TRNAU1AP: variants seen among roughly 807,000 people sequenced by gnomAD.
The protein encoded by TRNAU1AP is tRNA selenocysteine 1 associated protein 1, also known as tRNA selenocysteine 1-associated protein 1.
TRNAU1AP carries 33 observed loss-of-function variants against 43.3 expected under a neutral mutation model. The ratio of observed to expected loss-of-function variants is 0.76; its 90% CI spans 0.58 to 1.02. The LOEUF is 1.02. TRNAU1AP is among the 50% of genes least tolerant of loss of function. The pLI is 0.00. For missense variants in TRNAU1AP, 290 were observed against 362.7 expected (o/e 0.80, Z 1.63); for synonymous variants, 143 against 129.1 (o/e 1.11, Z -0.73).
rs192008595 is a variant in TRNAU1AP at position 28,573,932 on chromosome 1, C to T, written c.727+2032C>T. Among the ~76,000 whole-genome samples the T allele has an allele frequency of 5.3e-3, 799 of 150,864 alleles. 3 individuals are homozygous for T. Among genetic ancestry groups the T allele is most frequent in the Non-Finnish European group, 8.1e-3 (548 of 67,750 alleles). On this transcript the variant is annotated intron_variant, in intron 8 of 8. Coordinates refer to ENST00000373830, the MANE Select transcript of TRNAU1AP (RefSeq NM_017846.5). ...ATCCTGGGTGACGAGAGTGAAACTC[C>T]GTCTCAAAAAAAAAAACAACAGTAT...
intron 5 of TRNAU1AP, 89 bp downstream of exon 5, chr1:28,564,923 T>C: frequency 6.5e-7 from 1 of 1,541,916 alleles, no homozygotes; most frequent in Non-Finnish European, 8.9e-7. Context: ...CCCTGCAGCA[T>C]GGCGATTAAG....
At chr1:28,560,769 TATTGTC>T (rs1665388295) in intron 3 of TRNAU1AP, 37 bp downstream of exon 3, 1 of 1,502,458 alleles carries the variant, frequency 6.7e-7, no homozygotes, top group South Asian at 1.1e-5. Flanking sequence ...TTGCCATTAT[TATTGTC>T]ATTGCTTACT....
intron 6 of TRNAU1AP, among the ~76,000 whole-genome samples, chr1:28,570,799 TTGG>T (rs887328818): frequency 3.1e-4 from 47 of 152,144 alleles, no homozygotes; most frequent in African/African-American, 1.1e-3. Flanking sequence ...AAAGAGTTAA[TTGG>T]TGGCCGGGCT....
intron 2 of TRNAU1AP, among the ~76,000 whole-genome samples, chr1:28,556,706 C>T (rs61785998): frequency 0.25 from 38,149 of 151,416 alleles, 5,055 homozygotes; most frequent in Middle Eastern, 0.35. Flanking sequence ...TTTTTTGAGA[C>T]GGAGTCTCGC....
chr1:28,577,032 C>G (rs1490978439), intron 8 of TRNAU1AP, among the ~76,000 whole-genome samples: 1 of 152,222 alleles, frequency 6.6e-6, no homozygotes, highest in Non-Finnish European at 1.5e-5. Flanking sequence ...TGCCACTGTA[C>G]TCTAGCCTGT....
intron 1 of TRNAU1AP, chr1:28,553,372 G>A: frequency 1.6e-6 from 1 of 629,064 alleles, no homozygotes; most frequent in South Asian, 2.0e-5. Context: ...GGTGCTTTGG[G>A]GACATAGAAT....
intron 3 of TRNAU1AP, chr1:28,560,967 C>A: frequency 8.9e-7 from 1 of 1,122,096 alleles, no homozygotes. Flanking sequence ...TGGTTGCCTC[C>A]CAAATCCATG....
chr1:28,553,292 T>TA, intron 1 of TRNAU1AP, 155 bp downstream of exon 1: 1 of 924,054 alleles, frequency 1.1e-6, no homozygotes, highest in Non-Finnish European at 1.6e-6. Context: ...TTCCAGCATC[T>TA]AAGTGAAGAG....
At chr1:28,562,261 T>C (rs567603592) in intron 4 of TRNAU1AP, among the ~76,000 whole-genome samples, 1 of 152,216 alleles carries the variant, frequency 6.6e-6, no homozygotes, top group Non-Finnish European at 1.5e-5. Flanking sequence ...TAGCCTCAGA[T>C]GTATTCATTG....
At chr1:28,557,275 C>G (rs1396216944) in intron 2 of TRNAU1AP, among the ~76,000 whole-genome samples, 1 of 151,354 alleles carries the variant, frequency 6.6e-6, no homozygotes, top group African/African-American at 2.4e-5. Context: ...AGAAAATTAG[C>G]CAGGCATGGT....
At chr1:28,567,579 G>A (rs1665570280) in intron 6 of TRNAU1AP, among the ~76,000 whole-genome samples, 166 bp downstream of exon 6, 1 of 152,098 alleles carries the variant, frequency 6.6e-6, no homozygotes, top group Non-Finnish European at 1.5e-5. Context: ...GGGTGCTGGG[G>A]TTGAACTAGC....
At chr1:28,574,975 C>T (rs1055203280) in intron 8 of TRNAU1AP, among the ~76,000 whole-genome samples, 7 of 152,024 alleles carry the variant, frequency 4.6e-5, no homozygotes, top group African/African-American at 9.7e-5. Context: ...ACTAGTGGCT[C>T]GGAAAGCCCA....
At chr1:28,575,855 GCTTTTTT>G in intron 8 of TRNAU1AP, among the ~76,000 whole-genome samples, 1 of 117,618 alleles carries the variant, frequency 8.5e-6, no homozygotes, top group Non-Finnish European at 1.7e-5. Flanking sequence ...ACTGCGCCTG[GCTTTTTT>G]TTTTTTTTTT....
intron 2 of TRNAU1AP, 98 bp downstream of exon 2, chr1:28,553,835 A>G (rs1459811191): frequency 1.9e-6 from 2 of 1,039,970 alleles, no homozygotes; most frequent in African/African-American, 1.6e-5. Context: ...ACCCCTAGTA[A>G]TAGTCACTGT....
At chr1:28,570,555 G>T (rs1665642772) in intron 6 of TRNAU1AP, among the ~76,000 whole-genome samples, 1 of 148,422 alleles carries the variant, frequency 6.7e-6, no homozygotes, top group South Asian at 2.1e-4. Context: ...GCCCTTTTTT[G>T]TTTTGTTTTT....
intron 4 of TRNAU1AP, among the ~76,000 whole-genome samples, chr1:28,561,703 C>T (rs926584699): frequency 5.9e-5 from 9 of 152,092 alleles, no homozygotes; most frequent in Admixed American, 4.6e-4. Flanking sequence ...TTTGGGAGGC[C>T]GAAACAGGCA....
chr1:28,558,467 C>T (rs1355013410), intron 2 of TRNAU1AP, among the ~76,000 whole-genome samples: 2 of 151,678 alleles, frequency 1.3e-5, no homozygotes, highest in Admixed American at 6.6e-5. Flanking sequence ...GATCTCAGCT[C>T]ACTGCAACTT....
At chr1:28,573,589 A>G (rs903835324) in intron 8 of TRNAU1AP, among the ~76,000 whole-genome samples, 13 of 152,020 alleles carry the variant, frequency 8.6e-5, no homozygotes, top group Non-Finnish European at 1.6e-4. Flanking sequence ...CCTGGCCAAC[A>G]TGGTGAAATT....
chr1:28,571,832 C>A, intron 7 of TRNAU1AP, 35 bp from the exon 8 acceptor site: 1 of 1,603,346 alleles, frequency 6.2e-7, no homozygotes, highest in Non-Finnish European at 8.5e-7. Context: ...AGGATTTCAC[C>A]ATGCCCCTAA....
Sources: gnomAD v4.1 joint callset for allele counts (sites outside exome capture counted in the v4.1 genomes callset) on GRCh38, gnomAD v4.1.1 for gene constraint, MANE v1.5 for transcripts, NCBI Gene and HGNC (gene_info 2026-07-23, HGNC 2026-07-21) for gene names.